ADAM12: variants seen among roughly 807,000 people sequenced by gnomAD.
ADAM12 encodes ADAM metallopeptidase domain 12, also known as disintegrin and metalloproteinase domain-containing protein 12.
A neutral mutation model predicts 106.4 loss-of-function variants in ADAM12; 70 were observed. The observed-to-expected ratio is 0.66, with a 90% CI of 0.54 to 0.80. ADAM12 has a LOEUF of 0.80. ADAM12 is among the 30% of genes least tolerant of loss of function. ADAM12 has a pLI of 0.00. For missense variants in ADAM12, 1,010 were observed against 1,171.9 expected (o/e 0.86, Z 2.02); for synonymous variants, 420 against 433.5 (o/e 0.97, Z 0.39).
In ADAM12 at chr10:126,154,162, T is replaced by A. The variant is rs147631352; in HGVS notation, c.339+1065A>T. On this transcript the variant is annotated intron_variant, in intron 4 of 22. Transcript: ENST00000448723. The stretch of plus-strand genomic sequence containing the variant: ...CTCTTTCTGGGTCTTGAATAGCCCT[T>A]TGGGTCTTTGAATAGTCCTTTGGGG... 5.8e-3 allele frequency among the ~76,000 whole-genome samples: 883 copies of A among 152,326 alleles called. 9 individuals carry two copies. Among genetic ancestry groups the A allele is most frequent in the African/African-American group, 0.02 (851 of 41,574 alleles).
intron 21 of ADAM12, among the ~76,000 whole-genome samples, chr10:126,022,416 A>G (rs1395842639): frequency 3.3e-5 from 5 of 152,234 alleles, no homozygotes. Context: ...GGTTGCAAGC[A>G]AAGATGTTGC....
chr10:126,178,170 A>T (rs1372926873), intron 3 of ADAM12, among the ~76,000 whole-genome samples: 1 of 152,266 alleles, frequency 6.6e-6, no homozygotes, highest in East Asian at 1.9e-4. Flanking sequence ...TATAAATGGG[A>T]ACTATTCTCT....
chr10:126,054,687 C>T (rs1328395020), intron 14 of ADAM12, among the ~76,000 whole-genome samples: 2 of 152,190 alleles, frequency 1.3e-5, no homozygotes, highest in Non-Finnish European at 2.9e-5. Flanking sequence ...GTTGTACAAG[C>T]TCTCGAGGTT....
intron 6 of ADAM12, among the ~76,000 whole-genome samples, chr10:126,111,797 C>T (rs745499136): frequency 5.9e-5 from 9 of 152,172 alleles, no homozygotes; most frequent in Non-Finnish European, 1.2e-4. Flanking sequence ...AAGAGAAGCA[C>T]TGGGGGAGTC....
Position 126,036,268 on chromosome 10 carries a change from C to T in ADAM12, c.2407G>A (p.Gly803Ser), listed in dbSNP as rs368472298. The part of the protein sequence containing the change: ...QNVDISRPLN[G>S]LNVPQPQSTQ... ...GACTGGGGCTGAGGGACATTCAGGC[C>T]GTTGAGGGGTCTGCTGATGTCAACA... Residue 803 changes from glycine (G) to serine (S), a missense_variant, in exon 21 of 23, where the codon GGC becomes AGC. Gly to Ser is a moderately conservative substitution (Grantham distance 56). Coordinates refer to ENST00000448723, the MANE Select transcript of ADAM12 (RefSeq NM_001288973.2). The T allele has an allele frequency of 1.8e-5, 28 of 1,558,606 alleles. No homozygotes were observed. The highest frequency in any genetic ancestry group is 1.7e-4 in the Middle Eastern group (1 of 5,748).
At chr10:126,238,871 T>G (rs1958469714) in intron 3 of ADAM12, among the ~76,000 whole-genome samples, 1 of 152,236 alleles carries the variant, frequency 6.6e-6, no homozygotes, top group Non-Finnish European at 1.5e-5. Flanking sequence ...TGGGCACTCA[T>G]TCTGCTCTGC....
intron 1 of ADAM12, among the ~76,000 whole-genome samples, chr10:126,336,702 G>C (rs976545519): frequency 6.6e-6 from 1 of 152,182 alleles, no homozygotes; most frequent in Non-Finnish European, 1.5e-5. Flanking sequence ...CTAGGTTTGG[G>C]AAGGTGACAC....
intron 6 of ADAM12, among the ~76,000 whole-genome samples, chr10:126,114,131 G>C (rs1364986511): frequency 6.6e-6 from 1 of 152,088 alleles, no homozygotes; most frequent in Non-Finnish European, 1.5e-5. Flanking sequence ...CCTTGACCGT[G>C]ACTGGCATGG....
In ADAM12 at chr10:126,388,402, C is replaced by T. The variant is rs540548555; in HGVS notation, c.-257G>A. On this transcript the variant is annotated 5_prime_UTR_variant, in exon 1 of 23. Transcript: ENST00000448723. This position sits in a 1 kb window ranked among gnomAD's most constrained non-coding sequence, Gnocchi z 4.4. Reference sequence around the variant, plus strand: ...TGGCACAAGCCAGCCTTGACCGTTGCAATAAATGAGCAAACTGTCCGAGTT... The same window carrying T: ...TGGCACAAGCCAGCCTTGACCGTTGTAATAAATGAGCAAACTGTCCGAGTT... The T allele has an allele frequency of 2.9e-6, 1 of 345,880 alleles. No homozygotes were observed. The highest frequency in any genetic ancestry group is 4.9e-6 in the Non-Finnish European group (1 of 203,812). 21.4% of individuals were successfully genotyped at this position (345,880 alleles called of 1,614,324 possible).
chr10:126,107,764 C>G (rs897366567), intron 8 of ADAM12, among the ~76,000 whole-genome samples: 1 of 152,254 alleles, frequency 6.6e-6, no homozygotes, highest in East Asian at 1.9e-4. Context: ...TCTAACCTCC[C>G]CCCCGCCCTG....
chr10:126,301,614 A>AT (rs1403885362), intron 2 of ADAM12, among the ~76,000 whole-genome samples: 1 of 152,120 alleles, frequency 6.6e-6, no homozygotes, highest in African/African-American at 2.4e-5. Flanking sequence ...GAATCAGTGG[A>AT]TTTTTGGAGA....
intron 3 of ADAM12, among the ~76,000 whole-genome samples, chr10:126,182,642 T>C (rs1309447682): frequency 6.6e-6 from 1 of 152,190 alleles, no homozygotes; most frequent in Non-Finnish European, 1.5e-5. Context: ...AGCCCAGATT[T>C]CATGTAAGTT....
At chr10:126,080,475 C>A (rs111615759) in intron 11 of ADAM12, among the ~76,000 whole-genome samples, 4 of 152,264 alleles carry the variant, frequency 2.6e-5, no homozygotes, top group African/African-American at 9.6e-5. Context: ...CCCTTTAGCA[C>A]GATCCTTTCC....
intron 3 of ADAM12, among the ~76,000 whole-genome samples, chr10:126,245,564 T>C (rs538303946): frequency 6.8e-4 from 103 of 151,802 alleles, no homozygotes; most frequent in African/African-American, 2.1e-3. Flanking sequence ...GAGTGGGAGA[T>C]AGGTCCCAGA....
At chr10:126,253,416 T>A (rs1043137434) in intron 3 of ADAM12, among the ~76,000 whole-genome samples, 1 of 152,264 alleles carries the variant, frequency 6.6e-6, no homozygotes, top group Non-Finnish European at 1.5e-5. Flanking sequence ...GCATGATTTA[T>A]GCTCGCTTAT....
intron 1 of ADAM12, among the ~76,000 whole-genome samples, chr10:126,365,054 A>ATG (rs1286867292): frequency 6.6e-6 from 1 of 152,176 alleles, no homozygotes; most frequent in Non-Finnish European, 1.5e-5. Flanking sequence ...CCTTTGCCAT[A>ATG]TGTTAAGGGA....
At chr10:126,292,603 G>A (rs527718515) in intron 2 of ADAM12, among the ~76,000 whole-genome samples, 1 of 152,248 alleles carries the variant, frequency 6.6e-6, no homozygotes, top group South Asian at 2.1e-4. Context: ...CCCATTCAGT[G>A]CTCTAGAGCA....
In ADAM12 at chr10:126,064,694, G is replaced by T; in HGVS notation, c.1609+112C>A. 1 of 1,168,734 alleles carries T rather than the reference G, an allele frequency of 8.6e-7. No individual in the cohort carries two copies. Among genetic ancestry groups the T allele is most frequent in the Non-Finnish European group, 1.2e-6 (1 of 834,232 alleles). 72.4% of individuals were successfully genotyped at this position (1,168,734 alleles called of 1,614,324 possible). A position where few individuals can be genotyped will look rare whatever the true frequency, so the allele number is the denominator to read the frequency against. ...CGACTGAACACACCGGATGCTGTGT[G>T]GACAGCGCCCGCCAGGAGTGGGGGC... On this transcript the variant is annotated intron_variant, in intron 14 of 22. Transcript: ENST00000448723. The surrounding 1 kb of genome is among the most constrained non-coding windows in gnomAD (Gnocchi z 4.4).
At chr10:126,387,428 T>TGG (rs56249004) in intron 1 of ADAM12, among the ~76,000 whole-genome samples, 43 of 152,158 alleles carry the variant, frequency 2.8e-4, no homozygotes, top group Non-Finnish European at 3.7e-4. Flanking sequence ...AGAATTCCGC[T>TGG]AAAGTTTGCC....
Sources: gnomAD v4.1 joint callset for allele counts (sites outside exome capture counted in the v4.1 genomes callset) on GRCh38, gnomAD v4.1.1 for gene constraint, Gnocchi (gnomAD v3.1) non-coding constraint, MANE v1.5 for transcripts, NCBI Gene and HGNC (gene_info 2026-07-23, HGNC 2026-07-21) for gene names.